WDR59: variants seen among roughly 807,000 people sequenced by gnomAD.
The protein encoded by WDR59 is GATOR2 complex protein WDR59.
A neutral mutation model predicts 131.2 loss-of-function variants in WDR59; 100 were observed. The observed-to-expected ratio is 0.76, with a 90% CI of 0.65 to 0.90. The LOEUF (loss-of-function observed/expected upper bound fraction) is 0.90. Among genes scored for constraint, WDR59 ranks in the 40% least tolerant of loss-of-function variants. The pLI is 0.00. For synonymous variants in WDR59, 601 were observed against 466.2 expected (o/e 1.29, Z -3.72); for missense variants, 1,203 against 1,262.2 (o/e 0.95, Z 0.71).
In WDR59 at chr16:74,883,402, C is replaced by T. The variant is rs940781991; in HGVS notation, c.2689+2251G>A. ...CGTGAGGGTTCTGCAGTGTTTTGTACTTCCGACAACAGTTCAGGGTTCAGC... is the reference window on the plus strand; with the variant it reads ...CGTGAGGGTTCTGCAGTGTTTTGTATTTCCGACAACAGTTCAGGGTTCAGC... On this transcript the variant is annotated intron_variant, in intron 25 of 25. Coordinates refer to ENST00000262144, the MANE Select transcript of WDR59 (RefSeq NM_030581.4). 9.2e-5 allele frequency among the ~76,000 whole-genome samples: 14 copies of T among 152,274 alleles called. 1 individual carries two copies. The highest frequency in any genetic ancestry group is 4.1e-4 in the South Asian group (2 of 4,830).
Position 74,985,034 on chromosome 16 carries a change from C to A in WDR59, c.-17G>T, listed in dbSNP as rs780724050. 1.9e-6 allele frequency: 3 copies of A among 1,563,634 alleles called. No homozygotes were observed. The South Asian group carries it at 3.5e-5, about 18-fold the overall frequency. On this transcript the variant is annotated 5_prime_UTR_variant, in exon 1 of 26. Coordinates refer to ENST00000262144, the MANE Select transcript of WDR59 (RefSeq NM_030581.4). ...CGCCGCCATCTCCCCCGCCCGGCCG[C>A]CGCGGCCCCAGGACGGCGCCCTCCC...
chr16:74,960,060 T>C (rs756955897), intron 2 of WDR59, among the ~76,000 whole-genome samples: 31 of 152,140 alleles, frequency 2.0e-4, no homozygotes, highest in Non-Finnish European at 4.0e-4. Flanking sequence ...CCGGGCGCAG[T>C]GGCTCACACC....
At position 74,904,049 on chromosome 16, in the gene WDR59, C is replaced by T. The variant is rs1387627900; in HGVS notation, c.1764G>A (p.Lys588=). The change falls in exon 18 of 26, where the codon AAG becomes AAA. Residue 588 remains lysine (K), a synonymous_variant. Coordinates refer to ENST00000262144, the MANE Select transcript of WDR59 (RefSeq NM_030581.4). ...GGTTCCCAGGGGCCTCTGTGCGGAT[C>T]TTCATGGGCGCGATCAAGCCAGTGT... ...AYHTGLIAPM[K]IRTEAPGNLR... 1.2e-6 allele frequency: 2 copies of T among 1,613,338 alleles called. No homozygotes were observed. Among genetic ancestry groups the T allele is most frequent in the East Asian group, 2.2e-5 (1 of 44,870 alleles).
intron 8 of WDR59, among the ~76,000 whole-genome samples, chr16:74,928,425 C>T (rs532234817): frequency 2.7e-5 from 4 of 150,936 alleles, no homozygotes; most frequent in South Asian, 4.2e-4. Context: ...CCCTATGTTG[C>T]GCAGGCTGGT....
At chr16:74,962,906 T>C (rs1047885256) in intron 2 of WDR59, 2 of 152,084 alleles carry the variant, frequency 1.3e-5, no homozygotes, top group Admixed American at 6.6e-5. Context: ...AGAAATACCA[T>C]TTGACCCAGC....
intron 10 of WDR59, among the ~76,000 whole-genome samples, 173 bp downstream of exon 10, chr16:74,921,774 C>T (rs962391005): frequency 2.0e-5 from 3 of 151,992 alleles, no homozygotes; most frequent in African/African-American, 7.2e-5. Flanking sequence ...TAACAGCAGC[C>T]TTATATAGTC....
chr16:74,899,392 G>A (rs1965440749), intron 18 of WDR59, among the ~76,000 whole-genome samples: 1 of 152,192 alleles, frequency 6.6e-6, no homozygotes. Flanking sequence ...AATGCTCCAA[G>A]TGAAATTGGG....
Position 74,942,762 on chromosome 16 carries a change from G to A in WDR59, c.510C>T (p.Gly170=), listed in dbSNP as rs368420402. Residue 170 remains glycine, a synonymous_variant, in exon 7 of 26, where the codon GGC becomes GGT. Coordinates refer to ENST00000262144, the MANE Select transcript of WDR59 (RefSeq NM_030581.4). ...NANCLATSHD[G]DVRIWDKRKP... ...CCCTCTTATCCCATATCCGCACATC[G>A]CCGTCATGGCTGGTGGCAAGGCAGT... 2.7e-5 allele frequency: 43 copies of A among 1,613,096 alleles called. No homozygotes were observed. Among genetic ancestry groups the A allele is most frequent in the East Asian group, 2.2e-4 (10 of 44,880 alleles).
At chr16:74,956,739 T>G (rs2033311232) in intron 2 of WDR59, 129 bp from the exon 3 acceptor site, 2 of 1,151,614 alleles carry the variant, frequency 1.7e-6, no homozygotes, top group Non-Finnish European at 2.4e-6. Context: ...CACATGGCAT[T>G]TATTTACTCT....
chr16:74,873,127 C>T lies in WDR59; in HGVS notation c.*1082G>A, dbSNP rs1964042959. The T allele has an allele frequency of 6.6e-6, 1 of 152,198 alleles. No homozygotes were observed. Among genetic ancestry groups the T allele is most frequent in the African/African-American group, 2.4e-5 (1 of 41,436 alleles). 9.4% of individuals were successfully genotyped at this position (152,198 alleles called of 1,614,324 possible). ...GTTTCACCATGTTGGCCAGGCTAGT[C>T]TCGAACTCCTGACCTCAGGTAATCC... On this transcript the variant is annotated 3_prime_UTR_variant, in exon 26 of 26. Coordinates refer to ENST00000262144, the MANE Select transcript of WDR59 (RefSeq NM_030581.4).
At chr16:74,957,334 G>C (rs1477492419) in intron 2 of WDR59, among the ~76,000 whole-genome samples, 4 of 152,046 alleles carry the variant, frequency 2.6e-5, no homozygotes, top group Non-Finnish European at 5.9e-5. Flanking sequence ...ACCTGCCTCA[G>C]CCTCCCAAAG....
At chr16:74,940,366 G>C (rs1277422632) in intron 7 of WDR59, among the ~76,000 whole-genome samples, 1 of 149,184 alleles carries the variant, frequency 6.7e-6, no homozygotes, top group Non-Finnish European at 1.5e-5. Context: ...GCAACAGAGT[G>C]AGACTCTGTC....
chr16:74,885,947 C>G (rs567988422), intron 24 of WDR59, 152 bp from the exon 25 acceptor site: 3 of 929,824 alleles, frequency 3.2e-6, no homozygotes, highest in South Asian at 1.8e-5. Context: ...GAGGCTGAGG[C>G]GGGTGGATCA....
chr16:74,940,354 G>A (rs1251187210), intron 7 of WDR59, among the ~76,000 whole-genome samples: 2 of 151,228 alleles, frequency 1.3e-5, no homozygotes, highest in Non-Finnish European at 2.9e-5. Flanking sequence ...ACTCCAGCCT[G>A]GGCAACAGAG....
At chr16:74,940,953 CT>C (rs1318760205) in intron 7 of WDR59, among the ~76,000 whole-genome samples, 1 of 152,032 alleles carries the variant, frequency 6.6e-6, no homozygotes, top group Admixed American at 6.5e-5. Context: ...ATCCACCCGC[CT>C]CAGCCTCCCA....
At chr16:74,954,062 T>C (rs541297121) in intron 3 of WDR59, among the ~76,000 whole-genome samples, 1 of 150,922 alleles carries the variant, frequency 6.6e-6, no homozygotes, top group South Asian at 2.1e-4. Flanking sequence ...AAATGACATA[T>C]ACGTGGCCAA....
intron 18 of WDR59, among the ~76,000 whole-genome samples, chr16:74,901,115 A>G (rs1341419901): frequency 6.6e-6 from 1 of 151,892 alleles, no homozygotes; most frequent in Admixed American, 6.6e-5. Context: ...AAAAACAAAA[A>G]AACTCTATAC....
At position 74,984,980 on chromosome 16, in the gene WDR59, T is replaced by G; in HGVS notation, c.38A>C (p.Glu13Ala). The change falls in exon 1 of 26, where the codon GAG becomes GCG. Residue 13 changes from glutamate to alanine, a missense_variant. By Grantham distance (107) the Glu-to-Ala change is moderately radical. Coordinates refer to ENST00000262144, the MANE Select transcript of WDR59 (RefSeq NM_030581.4). The part of the protein sequence containing the change: ...ARWSSENVVV[E>A]FRDSQATAMS... ...CTAGCTCACCTGGGAGTCACGGAACTCTACAACCACGTTTTCGCTGCTCCA... is the reference window on the plus strand; with the variant it reads ...CTAGCTCACCTGGGAGTCACGGAACGCTACAACCACGTTTTCGCTGCTCCA... 1 of 1,602,744 alleles carries G rather than the reference T, an allele frequency of 6.2e-7. No homozygotes were observed. Among genetic ancestry groups the G allele is most frequent in the Non-Finnish European group, 8.5e-7 (1 of 1,174,924 alleles).
chr16:74,951,534 G>T lies in WDR59; in HGVS notation c.250C>A (p.Arg84=). Residue 84 remains arginine, a synonymous_variant, in exon 4 of 26, where the codon CGA becomes AGA. Transcript: ENST00000262144. ...AHYFAASSNQ[R]VDLYKWKDGS... ...TCTTTCCACTTGTAAAGGTCTACTCGTTGGTTACTCTGAAAAGAAAGGAAA... is the reference window on the plus strand; with the variant it reads ...TCTTTCCACTTGTAAAGGTCTACTCTTTGGTTACTCTGAAAAGAAAGGAAA... 1 of 1,594,112 alleles carries T rather than the reference G, an allele frequency of 6.3e-7. No homozygotes were observed. Among genetic ancestry groups the T allele is most frequent in the Non-Finnish European group, 8.5e-7 (1 of 1,170,492 alleles).
Sources: allele counts gnomAD v4.1 joint callset (sites outside exome capture counted in the v4.1 genomes callset), GRCh38; gene constraint gnomAD v4.1.1; transcripts MANE v1.5; gene names NCBI Gene and HGNC (gene_info 2026-07-23, HGNC 2026-07-21).